MAML2: variants seen among roughly 807,000 people sequenced by gnomAD.
MAML2 encodes mastermind like transcriptional coactivator 2, also known as mastermind-like protein 2.
MAML2 carries 22 observed loss-of-function variants against 96.1 expected under a neutral mutation model. That is an observed-to-expected ratio of 0.23 (90% CI 0.16 to 0.33). The LOEUF (loss-of-function observed/expected upper bound fraction) is 0.33. MAML2 is among the 10% of genes least tolerant of loss of function. MAML2 has a pLI of 1.00. For synonymous variants in MAML2, 561 were observed against 521.3 expected (o/e 1.08, Z -1.04); for missense variants, 1,367 against 1,392.4 (o/e 0.98, Z 0.29).
At chr11:96,251,178 A>G (rs1045028628) in intron 1 of MAML2, among the ~76,000 whole-genome samples, 7 of 152,230 alleles carry the variant, frequency 4.6e-5, no homozygotes, top group African/African-American at 1.7e-4. Context: ...GAAGTTACCC[A>G]GTGAAAATCA....
At chr11:96,102,093 G>A (rs750559707) in intron 1 of MAML2, among the ~76,000 whole-genome samples, 9 of 152,162 alleles carry the variant, frequency 5.9e-5, no homozygotes, top group Non-Finnish European at 8.8e-5. Flanking sequence ...TAGCTAACAC[G>A]GTGAAACACC....
chr11:96,285,769 A>G lies in MAML2; in HGVS notation c.513+55614T>C, dbSNP rs1863130367. Among the ~76,000 whole-genome samples the G allele has an allele frequency of 2.0e-5, 3 of 152,220 alleles. 1 individual carries two copies. The highest frequency in any genetic ancestry group is 4.1e-4 in the South Asian group (2 of 4,832). On this transcript the variant is annotated intron_variant, in intron 1 of 4. Transcript: ENST00000524717. ...TAGAGAAATGCAAATCAGAACCACAATGAGATACCATCTCATGCCAGTCAG... is the reference window on the plus strand; with the variant it reads ...TAGAGAAATGCAAATCAGAACCACAGTGAGATACCATCTCATGCCAGTCAG...
At chr11:96,030,448 T>A (rs1423789503) in intron 2 of MAML2, among the ~76,000 whole-genome samples, 1 of 151,884 alleles carries the variant, frequency 6.6e-6, no homozygotes, top group African/African-American at 2.4e-5. Flanking sequence ...CTCACAAATA[T>A]AAGGAAAATT....
intron 2 of MAML2, among the ~76,000 whole-genome samples, chr11:96,068,438 T>TCTCACACACA (rs1555004091): frequency 8.3e-6 from 1 of 120,292 alleles, no homozygotes; most frequent in Non-Finnish European, 1.7e-5. Context: ...GGAGCTTACT[T>TCTCACACACA]CACACACACA....
intron 2 of MAML2, among the ~76,000 whole-genome samples, chr11:96,052,179 A>G (rs1858999867): frequency 6.6e-6 from 1 of 152,192 alleles, no homozygotes; most frequent in Non-Finnish European, 1.5e-5. Flanking sequence ...CATGTCTGTC[A>G]GGAACATATT....
chr11:96,009,883 AG>A (rs1370467070), intron 2 of MAML2, among the ~76,000 whole-genome samples: 2 of 152,224 alleles, frequency 1.3e-5, no homozygotes, highest in Admixed American at 6.5e-5. Flanking sequence ...TTTTACAAAA[AG>A]GTCATGTATT....
At chr11:96,263,989 C>A (rs1332954357) in intron 1 of MAML2, among the ~76,000 whole-genome samples, 1 of 152,176 alleles carries the variant, frequency 6.6e-6, no homozygotes, top group African/African-American at 2.4e-5. Context: ...ATGTAGAAAT[C>A]ACTCTGAAAT....
At chr11:96,152,679 G>T (rs1591042250) in intron 1 of MAML2, among the ~76,000 whole-genome samples, 1 of 152,348 alleles carries the variant, frequency 6.6e-6, no homozygotes, top group East Asian at 1.9e-4. Context: ...GCAAGGAAGA[G>T]TCATGGTGGG....
chr11:96,194,133 G>A (rs1861696851), intron 1 of MAML2, among the ~76,000 whole-genome samples: 1 of 152,178 alleles, frequency 6.6e-6, no homozygotes, highest in African/African-American at 2.4e-5. Context: ...AGAAATAAAA[G>A]AAAGGCCGAG....
chr11:96,042,121 C>T (rs1040601726), intron 2 of MAML2, among the ~76,000 whole-genome samples: 9 of 152,100 alleles, frequency 5.9e-5, no homozygotes, highest in Non-Finnish European at 7.4e-5. Flanking sequence ...GGACTACAGG[C>T]GCCCGCCACC....
At chr11:96,201,786 G>A (rs1396936967) in intron 1 of MAML2, among the ~76,000 whole-genome samples, 1 of 151,508 alleles carries the variant, frequency 6.6e-6, no homozygotes, top group Non-Finnish European at 1.5e-5. Context: ...CAGCGTGGTG[G>A]CGGGCACCTG....
intron 2 of MAML2, among the ~76,000 whole-genome samples, chr11:95,998,812 A>G (rs1353494866): frequency 1.3e-5 from 2 of 152,194 alleles, no homozygotes; most frequent in African/African-American, 2.4e-5. Flanking sequence ...AGCTGGATGC[A>G]TGTTTTAACT....
Position 96,273,235 on chromosome 11 carries a change from G to A in MAML2, c.513+68148C>T, listed in dbSNP as rs532323575. Among the ~76,000 whole-genome samples the A allele has an allele frequency of 3.3e-5, 5 of 152,252 alleles. No homozygotes were observed. In the South Asian group the frequency reaches 1.0e-3, roughly 32 times the overall value. On this transcript the variant is annotated intron_variant, in intron 1 of 4. Coordinates refer to ENST00000524717, the MANE Select transcript of MAML2 (RefSeq NM_032427.4). ...AATTCTGTACTGTTTATAAATCAAGGCAATAATCTTGTCTGTCTTGCACAG... is the reference window on the plus strand; with the variant it reads ...AATTCTGTACTGTTTATAAATCAAGACAATAATCTTGTCTGTCTTGCACAG...
chr11:96,074,125 C>T (rs570669428), intron 2 of MAML2, among the ~76,000 whole-genome samples: 2 of 152,158 alleles, frequency 1.3e-5, no homozygotes, highest in African/African-American at 4.8e-5. Context: ...TATAGCAAAT[C>T]CATGTCCGCT....
At chr11:96,178,842 T>A (rs1439843052) in intron 1 of MAML2, among the ~76,000 whole-genome samples, 1 of 152,182 alleles carries the variant, frequency 6.6e-6, no homozygotes, top group East Asian at 1.9e-4. Context: ...TCAGGAGGAT[T>A]TCTAGGCAAC....
intron 1 of MAML2, among the ~76,000 whole-genome samples, chr11:96,106,669 C>T (rs1860026146): frequency 6.6e-6 from 1 of 152,196 alleles, no homozygotes; most frequent in Non-Finnish European, 1.5e-5. Context: ...GTCCCTAATC[C>T]TTGAAAATAT....
chr11:96,193,971 C>CA (rs1475128139), intron 1 of MAML2, among the ~76,000 whole-genome samples: 2 of 152,148 alleles, frequency 1.3e-5, no homozygotes, highest in African/African-American at 4.8e-5. Context: ...GAGAGGATCC[C>CA]AATCTCCTAC....
chr11:96,116,910 T>C (rs1424321650), intron 1 of MAML2, among the ~76,000 whole-genome samples: 2 of 152,194 alleles, frequency 1.3e-5, no homozygotes, highest in Non-Finnish European at 2.9e-5. Flanking sequence ...AAAAGCTAAG[T>C]AGCGTTTTAT....
At chr11:96,046,616 C>G (rs1026796757) in intron 2 of MAML2, among the ~76,000 whole-genome samples, 7 of 152,228 alleles carry the variant, frequency 4.6e-5, no homozygotes, top group Non-Finnish European at 1.0e-4. Flanking sequence ...CAGGTGAACT[C>G]TGCTTACATC....
Sources: gnomAD v4.1 joint callset for allele counts (sites outside exome capture counted in the v4.1 genomes callset) on GRCh38, gnomAD v4.1.1 for gene constraint, MANE v1.5 for transcripts, NCBI Gene and HGNC (gene_info 2026-07-23, HGNC 2026-07-21) for gene names.